Variants in TGM6 observed in about 807,000 individuals in gnomAD.
TGM6 encodes transglutaminase 6.
In TGM6, 74 loss-of-function variants were observed where a neutral mutation model predicts 77.5. That is an observed-to-expected ratio of 0.96 (90% confidence interval 0.79 to 1.16). TGM6 has a LOEUF of 1.16. Ranked by LOEUF, TGM6 falls within the 50% of genes most tolerant of loss-of-function variation. The pLI is 0.00. For missense variants in TGM6, 968 were observed against 940.2 expected, an observed-to-expected ratio of 1.03 and a Z score of -0.39; for synonymous variants, 383 against 378.9, an observed-to-expected ratio of 1.01 and a Z score of -0.12.
Position 2,398,046 on chromosome 20 carries a change from G to T in TGM6, c.672G>T (p.Met224Ile). The T allele has an allele frequency of 6.2e-7, 1 of 1,614,096 alleles. No homozygotes were observed. The highest frequency in any genetic ancestry group is 8.5e-7 in the Non-Finnish European group (1 of 1,180,022). The change falls in exon 5 of 13, where the codon ATG (methionine) becomes ATT (isoleucine). Residue 224 changes from methionine to isoleucine, a missense_variant and splice_region_variant. Met to Ile is a conservative substitution (Grantham distance 10). Coordinates refer to ENST00000202625, the MANE Select transcript of TGM6 (RefSeq NM_198994.3). ...ACGTCACCAGGGTCATCAGTGCCAT[G>T]GTGAGAAGCCCCTCCATCCCTGCAC... ...PIYVTRVISA[M>I]VNSNNDRGVV...
intron 9 of TGM6, among the ~76,000 whole-genome samples, chr20:2,413,102 A>G (rs150300800): frequency 3.3e-4 from 50 of 152,296 alleles, no homozygotes; most frequent in African/African-American, 1.2e-3. Flanking sequence ...TGGAGGGCTC[A>G]TACTTCCCAA....
intron 4 of TGM6, among the ~76,000 whole-genome samples, chr20:2,397,236 A>G (rs1380731782): frequency 6.6e-6 from 1 of 152,192 alleles, no homozygotes; most frequent in Non-Finnish European, 1.5e-5. Context: ...GCCCAGGCAG[A>G]GGGAAGAGCA....
chr20:2,401,294 G>A (rs755892860), intron 7 of TGM6, among the ~76,000 whole-genome samples: 1 of 152,146 alleles, frequency 6.6e-6, no homozygotes, highest in Admixed American at 6.5e-5. Flanking sequence ...GGTACAAAAT[G>A]GGTTGCAGTG....
chr20:2,418,939 T>C (rs1480580237), intron 10 of TGM6, among the ~76,000 whole-genome samples: 3 of 152,058 alleles, frequency 2.0e-5, no homozygotes, highest in Non-Finnish European at 4.4e-5. Context: ...TAGCCGGGCA[T>C]GGTGGCACAC....
chr20:2,394,576 G>A lies in TGM6; in HGVS notation c.132G>A (p.Leu44=). The A allele has an allele frequency of 4.3e-6, 7 of 1,612,338 alleles. No individual in the cohort carries two copies. Among genetic ancestry groups the A allele is most frequent in the Non-Finnish European group, 5.9e-6 (7 of 1,179,780 alleles). Residue 44 remains leucine, a synonymous_variant, in exon 2 of 13, where the codon CTG becomes CTA. Transcript: ENST00000202625. ...AGTCGTTCAGCCTCACGCTGGAGCT[G>A]AGCAGAGCCCTGGACTGTGAGGAGA... ...RGQSFSLTLE[L]SRALDCEEIL...
intron 9 of TGM6, among the ~76,000 whole-genome samples, chr20:2,412,022 G>T (rs895431242): frequency 6.6e-6 from 1 of 152,102 alleles, no homozygotes; most frequent in Non-Finnish European, 1.5e-5. Context: ...AACATCTATA[G>T]CCATACCACC....
intron 10 of TGM6, among the ~76,000 whole-genome samples, chr20:2,429,789 G>T (rs1249825651): frequency 6.6e-6 from 1 of 152,054 alleles, no homozygotes; most frequent in Non-Finnish European, 1.5e-5. Flanking sequence ...AAAGACTGAG[G>T]TTTATGGTGA....
At position 2,399,485 on chromosome 20, in the gene TGM6, A is replaced by G. The variant is rs556738862; in HGVS notation, c.673-76A>G. On this transcript the variant is annotated intron_variant, in intron 5 of 12. Transcript: ENST00000202625. ...GATGGACCTGGTGGTCCAAAGTTGG[A>G]CAGGATTTGACCACGATGCGGTTCT... 4.4e-6 allele frequency: 7 copies of G among 1,607,324 alleles called. No homozygotes were observed. In the African/African-American group the frequency reaches 8.0e-5, roughly 18 times the overall value.
chr20:2,406,895 G>T (rs923856778), intron 9 of TGM6, among the ~76,000 whole-genome samples: 1 of 136,432 alleles, frequency 7.3e-6, no homozygotes, highest in Admixed American at 8.2e-5. Flanking sequence ...TTAACATCCT[G>T]TTACATGATA....
chr20:2,413,681 A>C (rs1195004321), intron 9 of TGM6, among the ~76,000 whole-genome samples: 1 of 152,170 alleles, frequency 6.6e-6, no homozygotes, highest in Non-Finnish European at 1.5e-5. Context: ...TACATGAAAA[A>C]TTTTTAAAAA....
At chr20:2,416,120 T>C (rs1428078749) in intron 9 of TGM6, among the ~76,000 whole-genome samples, 1 of 152,188 alleles carries the variant, frequency 6.6e-6, no homozygotes, top group Admixed American at 6.5e-5. Flanking sequence ...GCAACTTTTC[T>C]TAAAGCAGCA....
chr20:2,390,219 G>C (rs1041249528), intron 1 of TGM6, among the ~76,000 whole-genome samples: 1 of 152,180 alleles, frequency 6.6e-6, no homozygotes, highest in Non-Finnish European at 1.5e-5. Context: ...TTTGGGTAGA[G>C]AGCCTTGACA....
chr20:2,395,681 G>A (rs2084660480), intron 3 of TGM6, among the ~76,000 whole-genome samples: 1 of 152,190 alleles, frequency 6.6e-6, no homozygotes, highest in African/African-American at 2.4e-5. Flanking sequence ...GCCAGGACTT[G>A]GGAATCAGAC....
chr20:2,419,351 C>T (rs2084840995), intron 10 of TGM6, among the ~76,000 whole-genome samples: 2 of 152,164 alleles, frequency 1.3e-5, no homozygotes, highest in African/African-American at 2.4e-5. Flanking sequence ...TGTGGATTTT[C>T]GCAGGGTGTG....
intron 7 of TGM6, 50 bp from the exon 8 acceptor site, chr20:2,403,347 T>G: frequency 1.9e-6 from 3 of 1,603,224 alleles, no homozygotes; most frequent in Non-Finnish European, 2.6e-6. Context: ...GGATCTTCCC[T>G]TCCTATGCCC....
At chr20:2,400,533 G>A (rs1474264298) in intron 7 of TGM6, 89 bp downstream of exon 7, 21 of 1,582,678 alleles carry the variant, frequency 1.3e-5, no homozygotes, top group African/African-American at 4.0e-5. Flanking sequence ...ACCAGGGAGC[G>A]GCAGGCCCAG....
At position 2,400,455 on chromosome 20, in the gene TGM6, C is replaced by A. The variant is rs6048684; in HGVS notation, c.989+11C>A. On this transcript the variant is annotated intron_variant, in intron 7 of 12. Coordinates refer to ENST00000202625, the MANE Select transcript of TGM6 (RefSeq NM_198994.3). ...AGAAGACAGCATGTGGTGGGTCCTG[C>A]CCCCAGCCTAGGCCCGAGGGCTCTG... is the stretch of plus-strand genomic sequence containing the variant. The A allele has an allele frequency of 6.2e-7, 1 of 1,613,924 alleles. No individual in the cohort carries two copies. Among genetic ancestry groups the A allele is most frequent in the East Asian group, 2.2e-5 (1 of 44,872 alleles).
intron 7 of TGM6, among the ~76,000 whole-genome samples, chr20:2,401,184 G>A (rs896746827): frequency 6.7e-6 from 1 of 149,692 alleles, no homozygotes; most frequent in African/African-American, 2.5e-5. Flanking sequence ...CTCCAGCCTG[G>A]GTGACAGAGT....
chr20:2,430,866 G>A (rs1382510771), intron 11 of TGM6, 28 bp from the exon 12 acceptor site: 4 of 1,613,966 alleles, frequency 2.5e-6, no homozygotes, highest in East Asian at 2.2e-5. Flanking sequence ...GGGTAGGCGC[G>A]ATGGCTCATG....
Sources: allele counts gnomAD v4.1 joint callset (sites outside exome capture counted in the v4.1 genomes callset), GRCh38; gene constraint gnomAD v4.1.1; transcripts MANE v1.5; gene names NCBI Gene and HGNC (gene_info 2026-07-23, HGNC 2026-07-21).